Variants in BFSP1 observed in about 807,000 individuals in gnomAD.
The protein encoded by BFSP1 is filensin.
Under a neutral mutation model 43.9 loss-of-function variants are expected in BFSP1, and 38 were observed. That is an observed-to-expected ratio of 0.87 (90% CI 0.67 to 1.14). The LOEUF is 1.14. Among genes scored for constraint, BFSP1 ranks in the 50% most tolerant of loss-of-function variants. The pLI is 0.00. For synonymous variants in BFSP1, 352 were observed against 354.8 expected (o/e 0.99, Z 0.09); for missense variants, 850 against 875.1 (o/e 0.97, Z 0.36).
intron 1 of BFSP1, among the ~76,000 whole-genome samples, chr20:17,548,766 C>T (rs935299239): frequency 4.6e-5 from 7 of 152,144 alleles, no homozygotes; most frequent in African/African-American, 1.7e-4. Flanking sequence ...AAAACAGATT[C>T]TTATACTTAT....
intron 4 of BFSP1, among the ~76,000 whole-genome samples, chr20:17,511,606 C>T (rs1019249112): frequency 6.6e-6 from 1 of 152,200 alleles, no homozygotes; most frequent in African/African-American, 2.4e-5. Flanking sequence ...ATACCAAGTG[C>T]TGGCAAGGAC....
Position 17,511,959 on chromosome 20 carries a change from C to T in BFSP1, c.627+17G>A, listed in dbSNP as rs760220463. On this transcript the variant is annotated intron_variant, in intron 4 of 7. Coordinates refer to ENST00000377873, the MANE Select transcript of BFSP1 (RefSeq NM_001195.5). ...TCCCTCCAGGGCTGGTTTGCCTTTT[C>T]CTGCTTCAATTCTTACCTCCCTCAT... is the stretch of plus-strand genomic sequence containing the variant. The T allele has an allele frequency of 6.3e-7, 1 of 1,581,566 alleles. No homozygotes were observed. Among genetic ancestry groups the T allele is most frequent in the Admixed American group, 1.7e-5 (1 of 59,934 alleles).
intron 1 of BFSP1, among the ~76,000 whole-genome samples, chr20:17,526,141 CGGGGGGGGG>C (rs55674499): frequency 5.3e-5 from 1 of 18,866 alleles, no homozygotes; most frequent in East Asian, 9.1e-3. Context: ...TTCTGTATGG[CGGGGGGGGG>C]GGGGGGGGGG....
chr20:17,559,590 A>G (rs6111572), upstream of BFSP1, among the ~76,000 whole-genome samples: 2,682 of 152,252 alleles, frequency 0.018, 29 homozygotes, highest in Non-Finnish European at 0.024. Flanking sequence ...TGGGCCATGA[A>G]CCAGTATTGG....
chr20:17,503,907 A>G (rs1364416244), intron 5 of BFSP1, among the ~76,000 whole-genome samples: 1 of 152,204 alleles, frequency 6.6e-6, no homozygotes, highest in Non-Finnish European at 1.5e-5. Flanking sequence ...TGTAAATAGA[A>G]CCACAAAGCA....
intron 1 of BFSP1, among the ~76,000 whole-genome samples, chr20:17,530,420 A>G (rs1387318078): frequency 2.0e-5 from 3 of 152,260 alleles, no homozygotes; most frequent in African/African-American, 7.2e-5. Flanking sequence ...TAACATCGGT[A>G]CATCTCAAAA....
chr20:17,499,527 G>A (rs2033744258), intron 5 of BFSP1, among the ~76,000 whole-genome samples: 1 of 150,978 alleles, frequency 6.6e-6, no homozygotes, highest in Non-Finnish European at 1.5e-5. Flanking sequence ...AATTACAGGT[G>A]CGAGTCACCG....
chr20:17,523,123 C>A (rs1451460309), intron 2 of BFSP1, among the ~76,000 whole-genome samples: 1 of 152,162 alleles, frequency 6.6e-6, no homozygotes, highest in African/African-American at 2.4e-5. Flanking sequence ...TTATGCGATG[C>A]CTTTTCCTTA....
upstream of BFSP1, among the ~76,000 whole-genome samples, chr20:17,559,827 AC>A (rs1367912773): frequency 6.6e-6 from 1 of 151,870 alleles, no homozygotes; most frequent in South Asian, 2.1e-4. Context: ...TCCCCCTGCC[AC>A]CCCGTCTGTG....
At position 17,494,336 on chromosome 20, in the gene BFSP1, C is replaced by T; in HGVS notation, c.1736G>A (p.Gly579Asp). The T allele has an allele frequency of 6.2e-7, 1 of 1,614,126 alleles. No homozygotes were observed. Among genetic ancestry groups the T allele is most frequent in the East Asian group, 2.2e-5 (1 of 44,876 alleles). Reference sequence around the variant, plus strand: ...CTCAGGTATAGATGGTTCCTCTGCACCGGGTGTGACCATGGCACAGGGTCT... The same window carrying T: ...CTCAGGTATAGATGGTTCCTCTGCATCGGGTGTGACCATGGCACAGGGTCT... ...SRRPCAMVTP[G>D]AEEPSIPEPP... is the part of the protein sequence containing the mutation. The change falls in exon 8 of 8, where the codon GGT becomes GAT. Residue 579 changes from glycine to aspartate, a missense_variant. Transcript: ENST00000377873.
intron 1 of BFSP1, among the ~76,000 whole-genome samples, chr20:17,544,198 A>G (rs776816239): frequency 6.6e-6 from 1 of 152,204 alleles, no homozygotes; most frequent in Non-Finnish European, 1.5e-5. Context: ...GGATCTCAAC[A>G]TATCTAAGGG....
At chr20:17,504,956 A>T (rs76187150) in intron 5 of BFSP1, among the ~76,000 whole-genome samples, 6,731 of 151,546 alleles carry the variant, frequency 0.044, 498 homozygotes, top group African/African-American at 0.15. Context: ...AAAAAAAAAA[A>T]AGGAAACTCA....
chr20:17,522,118 C>T (rs188935721), intron 2 of BFSP1, among the ~76,000 whole-genome samples: 406 of 152,280 alleles, frequency 2.7e-3, no homozygotes, highest in Non-Finnish European at 5.2e-3. Context: ...CATGGGGCCA[C>T]CTATAGCCGA....
At chr20:17,565,464 G>A (rs188214520) in intron 1 of BFSP1, 47 of 152,300 alleles carry the variant, frequency 3.1e-4, no homozygotes, top group African/African-American at 7.2e-5. Flanking sequence ...CCCATCAGTA[G>A]GGGAAAAGTT....
At chr20:17,560,154 G>C (rs898862267), upstream of BFSP1, among the ~76,000 whole-genome samples, 5 of 151,436 alleles carry the variant, frequency 3.3e-5, no homozygotes, top group African/African-American at 1.2e-4. Flanking sequence ...AGACCCCAAA[G>C]AAAATAAAAA....
Position 17,519,473 on chromosome 20 carries a change from G to A in BFSP1, c.439-4657C>T, listed in dbSNP as rs116347836. Among the ~76,000 whole-genome samples, 812 of 152,334 alleles carry A rather than the reference G, an allele frequency of 5.3e-3. 8 individuals are homozygous for A. The highest frequency in any genetic ancestry group is 0.019 in the African/African-American group (782 of 41,564). ...AGCCTCCCTCCATGTATGCAGGGCTGAGGCCAGACTGATGCAGTGCATCAT... is the reference window on the plus strand; with the variant it reads ...AGCCTCCCTCCATGTATGCAGGGCTAAGGCCAGACTGATGCAGTGCATCAT... On this transcript the variant is annotated intron_variant, in intron 2 of 7. Coordinates refer to ENST00000377873, the MANE Select transcript of BFSP1 (RefSeq NM_001195.5).
At chr20:17,530,735 G>C (rs2034515454) in intron 1 of BFSP1, among the ~76,000 whole-genome samples, 2 of 152,258 alleles carry the variant, frequency 1.3e-5, no homozygotes, top group Non-Finnish European at 2.9e-5. Flanking sequence ...TAGATGAAAA[G>C]TAAATGATAC....
chr20:17,547,726 TTTTC>T (rs1456382226), intron 1 of BFSP1, among the ~76,000 whole-genome samples: 113 of 138,010 alleles, frequency 8.2e-4, no homozygotes, highest in African/African-American at 2.7e-3. Flanking sequence ...TTTTTTTTCT[TTTTC>T]TTTCTTTTTT....
At chr20:17,568,566 A>C (rs2035150158) in intron 1 of BFSP1, among the ~76,000 whole-genome samples, 1 of 152,092 alleles carries the variant, frequency 6.6e-6, no homozygotes, top group South Asian at 2.1e-4. Context: ...AGAAGCAGTG[A>C]GGGAACCTTG....
Sources: gnomAD v4.1 joint callset for allele counts (sites outside exome capture counted in the v4.1 genomes callset) on GRCh38, gnomAD v4.1.1 for gene constraint, MANE v1.5 for transcripts, NCBI Gene and HGNC (gene_info 2026-07-23, HGNC 2026-07-21) for gene names.